The following CLNK variants were observed in gnomAD, a reference collection of about 807,000 sequenced individuals.
CLNK encodes cytokine-dependent hematopoietic cell linker.
A neutral mutation model predicts 68.6 loss-of-function variants in CLNK; 74 were observed. The observed-to-expected ratio is 1.08, with a 90% CI of 0.89 to 1.31. CLNK has a LOEUF of 1.31. CLNK is among the 50% of genes most tolerant of loss of function. The pLI is 0.00. For missense variants in CLNK, 553 were observed against 515.3 expected (o/e 1.07, Z -0.71); for synonymous variants, 198 against 172.2 (o/e 1.15, Z -1.17).
chr4:10,666,730 G>C (rs1194671118), intron 2 of CLNK, among the ~76,000 whole-genome samples: 1 of 152,324 alleles, frequency 6.6e-6, no homozygotes, highest in East Asian at 1.9e-4. Flanking sequence ...ATTCTCACTC[G>C]GGTGAGGAGC....
At position 10,637,438 on chromosome 4, in the gene CLNK, G is replaced by GTTT. The variant is rs11396379; in HGVS notation, c.11+30418_11+30420dup. ...TATGTGATAAGCAACAATAAAAAAA[G>GTTT]TTTTTTTTTTTTTTTTGGCAGGGTT... On this transcript the variant is annotated intron_variant, in intron 2 of 18. Coordinates refer to ENST00000226951, the MANE Select transcript of CLNK (RefSeq NM_052964.4). Among the ~76,000 whole-genome samples the GTTT allele has an allele frequency of 8.5e-3, 1,050 of 124,130 alleles. 40 individuals carry two copies. The highest frequency in any genetic ancestry group is 0.058 in the East Asian group (252 of 4,310). 81.4% of individuals were successfully genotyped at this position (124,130 alleles called of 152,430 possible).
At chr4:10,643,500 T>G (rs1249259583) in intron 2 of CLNK, among the ~76,000 whole-genome samples, 1 of 152,264 alleles carries the variant, frequency 6.6e-6, no homozygotes, top group Non-Finnish European at 1.5e-5. Context: ...TGCTTCTATC[T>G]CATAACTTCC....
At chr4:10,514,256 C>G (rs1001652644) in intron 15 of CLNK, among the ~76,000 whole-genome samples, 15 of 148,058 alleles carry the variant, frequency 1.0e-4, no homozygotes, top group African/African-American at 3.2e-4. Context: ...TCCAGTCTAT[C>G]ATTGTTGGAC....
At chr4:10,619,449 C>A (rs765344344) in intron 2 of CLNK, among the ~76,000 whole-genome samples, 1 of 151,978 alleles carries the variant, frequency 6.6e-6, no homozygotes, top group Non-Finnish European at 1.5e-5. Context: ...TAACCTTGTT[C>A]GAAATAAAAT....
chr4:10,617,196 C>A (rs545396714), intron 2 of CLNK, among the ~76,000 whole-genome samples: 2 of 152,234 alleles, frequency 1.3e-5, no homozygotes, highest in Non-Finnish European at 2.9e-5. Flanking sequence ...CCTCCCCATC[C>A]CAATGCATAC....
the CLNK span, among the ~76,000 whole-genome samples, chr4:10,696,448 G>A: frequency 1.4e-4 from 22 of 152,328 alleles, no homozygotes; most frequent in Non-Finnish European, 3.1e-4. Context: ...GGCATGAGAT[G>A]CTTTAGGGCT....
chr4:10,580,120 G>A lies in CLNK; in HGVS notation c.112+4807C>T, dbSNP rs75837398. Among the ~76,000 whole-genome samples the A allele has an allele frequency of 5.0e-3, 762 of 152,020 alleles. 6 individuals carry two copies. Among genetic ancestry groups the A allele is most frequent in the African/African-American group, 0.018 (742 of 41,448 alleles). The stretch of plus-strand genomic sequence containing the variant: ...GTGTCCATGTTGTTTTATCCAGTTC[G>A]GCACAAGACTAAGGACCCTGGTGTT... On this transcript the variant is annotated intron_variant, in intron 4 of 18. Transcript: ENST00000226951.
chr4:10,722,197 T>C, the CLNK span, among the ~76,000 whole-genome samples: 1 of 151,830 alleles, frequency 6.6e-6, no homozygotes, highest in African/African-American at 2.4e-5. Context: ...TATGATAAGG[T>C]AAACATGCAA....
chr4:10,574,836 T>C (rs1040552537), intron 4 of CLNK, among the ~76,000 whole-genome samples: 2 of 152,212 alleles, frequency 1.3e-5, no homozygotes, highest in African/African-American at 4.8e-5. Context: ...ATCCCTGTCC[T>C]GTTCTGTTCC....
chr4:10,669,018 C>T (rs1006436978), intron 1 of CLNK, among the ~76,000 whole-genome samples: 1 of 152,178 alleles, frequency 6.6e-6, no homozygotes, highest in African/African-American at 2.4e-5. Context: ...CGAGAACACC[C>T]ATCCCGCAAT....
At chr4:10,554,865 TGGATGAATG>T (rs2108816439) in intron 8 of CLNK, among the ~76,000 whole-genome samples, 1 of 152,334 alleles carries the variant, frequency 6.6e-6, no homozygotes, top group South Asian at 2.1e-4. Context: ...TTGTATAGTC[TGGATGAATG>T]GGATGTTCGT....
chr4:10,594,213 T>C (rs1049270429), intron 3 of CLNK, among the ~76,000 whole-genome samples: 1 of 152,198 alleles, frequency 6.6e-6, no homozygotes, highest in African/African-American at 2.4e-5. Flanking sequence ...AGGAGGTTAA[T>C]GTAAGAGGTC....
chr4:10,637,942 G>A (rs535770893), intron 2 of CLNK, among the ~76,000 whole-genome samples: 14 of 152,174 alleles, frequency 9.2e-5, no homozygotes, highest in African/African-American at 2.9e-4. Context: ...CTCTTAAAGA[G>A]TCCCTTAAAC....
intron 3 of CLNK, among the ~76,000 whole-genome samples, chr4:10,594,534 G>A (rs1033603732): frequency 6.6e-6 from 1 of 152,172 alleles, no homozygotes; most frequent in Admixed American, 6.5e-5. Context: ...AATCAGCACT[G>A]CTAAGTTCTC....
At chr4:10,561,294 T>C (rs182219486) in intron 7 of CLNK, among the ~76,000 whole-genome samples, 11 of 152,302 alleles carry the variant, frequency 7.2e-5, no homozygotes, top group African/African-American at 2.4e-4. Context: ...CCTATCCTTT[T>C]TCCTCACATA....
At chr4:10,520,727 A>T (rs772552716) in intron 15 of CLNK, 64 bp downstream of exon 15, 24 of 1,254,700 alleles carry the variant, frequency 1.9e-5, no homozygotes, top group Non-Finnish European at 2.6e-5. Context: ...GCTAAGTCAC[A>T]GTGCCACAAT....
At chr4:10,576,834 C>T (rs1316166371) in intron 4 of CLNK, among the ~76,000 whole-genome samples, 2 of 152,228 alleles carry the variant, frequency 1.3e-5, no homozygotes. Flanking sequence ...CAATTCCCTT[C>T]CAAAGGAAGA....
chr4:10,584,978 G>C lies in CLNK; in HGVS notation c.84-23C>G, dbSNP rs760864857. The stretch of plus-strand genomic sequence containing the variant: ...GACCTAGGGCAGAAAAGAGAACCAA[G>C]TTAAATGTCCATTGCTCCACCTCCA... On this transcript the variant is annotated intron_variant, in intron 3 of 18. Coordinates refer to ENST00000226951, the MANE Select transcript of CLNK (RefSeq NM_052964.4). 30 of 1,613,112 alleles carry C rather than the reference G, an allele frequency of 1.9e-5. No homozygotes were observed. The African/African-American group carries it at 3.5e-4, about 19-fold the overall frequency.
In CLNK at chr4:10,525,848, T is replaced by C. The variant is rs189581402; in HGVS notation, c.724A>G (p.Ile242Val). 458 of 1,578,220 alleles carry C rather than the reference T, an allele frequency of 2.9e-4. 1 individual carries two copies. The African/African-American group carries it at 5.3e-3, about 18-fold the overall frequency. ...NQNTQEIPLA[I>V]SSSSFTTSNH... The stretch of plus-strand genomic sequence containing the variant: ...GGATTCCTGGCTCCTTACCTGCTAA[T>C]GGCAAGTGGAATCTCTTGAGTATTT... The change falls in exon 14 of 19, where the codon ATT (isoleucine) becomes GTT (valine). Residue 242 changes from isoleucine (I) to valine (V), a missense_variant. Transcript: ENST00000226951.
Sources: gnomAD v4.1 joint callset for allele counts (sites outside exome capture counted in the v4.1 genomes callset) on GRCh38, gnomAD v4.1.1 for gene constraint, MANE v1.5 for transcripts, NCBI Gene and HGNC (gene_info 2026-07-23, HGNC 2026-07-21) for gene names.